The following KCND2 variants were observed in gnomAD, a reference collection of about 807,000 sequenced individuals.
KCND2 encodes the protein potassium voltage-gated channel subfamily D member 2, also known as A-type voltage-gated potassium channel KCND2.
Under a neutral mutation model 54.4 loss-of-function variants are expected in KCND2, and 16 were observed. The ratio of observed to expected loss-of-function variants is 0.29; its 90% CI spans 0.20 to 0.45. The LOEUF is 0.45. KCND2 is among the 20% of genes least tolerant of loss of function. The probability of loss-of-function intolerance (pLI) is 1.00; values close to 1 mark genes in which losing one functional copy is unlikely to be tolerated. For synonymous variants in KCND2, 317 were observed against 310.7 expected, an observed-to-expected ratio of 1.02 and a Z score of -0.21; for missense variants, 486 against 824.2, an observed-to-expected ratio of 0.59 and a Z score of 5.02.
chr7:120,612,090 C>T (rs1172635723), intron 1 of KCND2, among the ~76,000 whole-genome samples: 1 of 152,200 alleles, frequency 6.6e-6, no homozygotes, highest in African/African-American at 2.4e-5. Context: ...CAATAGCACT[C>T]TCTACCCAAG....
At chr7:120,515,406 T>C (rs1803181683) in intron 1 of KCND2, among the ~76,000 whole-genome samples, 1 of 152,072 alleles carries the variant, frequency 6.6e-6, no homozygotes, top group African/African-American at 2.4e-5. Flanking sequence ...TAATTTATAT[T>C]AGAAATTGTT....
At chr7:120,368,839 GAATTA>G (rs773654474) in intron 1 of KCND2, among the ~76,000 whole-genome samples, 4 of 152,174 alleles carry the variant, frequency 2.6e-5, no homozygotes, top group Non-Finnish European at 2.9e-5. Flanking sequence ...ATAAAGGACA[GAATTA>G]AATTAAATAT....
intron 1 of KCND2, among the ~76,000 whole-genome samples, chr7:120,715,407 A>G (rs1226216330): frequency 6.6e-6 from 1 of 152,084 alleles, no homozygotes; most frequent in Non-Finnish European, 1.5e-5. Flanking sequence ...CTTCATGTTA[A>G]TAACAACTTC....
At chr7:120,290,492 C>A (rs1292243276) in intron 1 of KCND2, among the ~76,000 whole-genome samples, 8 of 151,946 alleles carry the variant, frequency 5.3e-5, no homozygotes, top group Non-Finnish European at 1.0e-4. Flanking sequence ...CATCTCTATG[C>A]TATTGGCTCG....
chr7:120,732,898 C>G lies in KCND2; in HGVS notation c.1116-5C>G. 1 of 1,610,762 alleles carries G rather than the reference C, an allele frequency of 6.2e-7. No individual in the cohort carries two copies. The highest frequency in any genetic ancestry group is 1.1e-5 in the South Asian group (1 of 90,994). ...CAATATATATATATTTTTTCTTTAACTCAGGTATGGTGACATGGTGCCAAA... is the reference window on the plus strand; with the variant it reads ...CAATATATATATATTTTTTCTTTAAGTCAGGTATGGTGACATGGTGCCAAA... On this transcript the variant is annotated splice_region_variant and splice_polypyrimidine_tract_variant and intron_variant, in intron 1 of 5. Transcript: ENST00000331113.
intron 1 of KCND2, among the ~76,000 whole-genome samples, chr7:120,465,203 G>C (rs947119285): frequency 1.6e-4 from 25 of 152,152 alleles, no homozygotes; most frequent in African/African-American, 5.5e-4. Context: ...TGGTGGGAAA[G>C]TCCACTGCGC....
rs547897725 is a variant in KCND2, at chr7:120,274,866, A to C, written c.234A>C (p.Pro78=). The stretch of plus-strand genomic sequence containing the variant: ...CTGAGAGGGACTTTTTCTACCACCC[A>C]GAAACTCAGCAGTATTTCTTTGACC... The part of the protein sequence containing the change: ...GSSERDFFYH[P]ETQQYFFDRD... The change falls in exon 1 of 6, where the codon CCA becomes CCC. Residue 78 remains proline, a synonymous_variant. Coordinates refer to ENST00000331113, the MANE Select transcript of KCND2 (RefSeq NM_012281.3). 30 of 1,614,156 alleles carry C rather than the reference A, an allele frequency of 1.9e-5. No homozygotes were observed. In the Middle Eastern group the frequency reaches 4.9e-4, roughly 27 times the overall value.
rs147333814 is a variant in KCND2, at chr7:120,358,381, A to G, written c.1115+82634A>G. Among the ~76,000 whole-genome samples, 1,384 of 152,248 alleles carry G rather than the reference A, an allele frequency of 9.1e-3. 29 individuals carry two copies. Among genetic ancestry groups the G allele is most frequent in the African/African-American group, 0.031 (1,304 of 41,550 alleles). ...TTTTATTTTCAATGCATAAATCTGC[A>G]TTGGATTGATGTGAAACTAAAATGA... On this transcript the variant is annotated intron_variant, in intron 1 of 5. Transcript: ENST00000331113.
At chr7:120,338,616 A>T (rs1019246761) in intron 1 of KCND2, among the ~76,000 whole-genome samples, 7 of 152,112 alleles carry the variant, frequency 4.6e-5, no homozygotes, top group Non-Finnish European at 7.4e-5. Context: ...AATTTTTCTT[A>T]TAATGAGAAA....
At chr7:120,589,575 A>C (rs1792644672) in intron 1 of KCND2, among the ~76,000 whole-genome samples, 2 of 152,218 alleles carry the variant, frequency 1.3e-5, no homozygotes, top group Non-Finnish European at 2.9e-5. Flanking sequence ...AGCTGGCAGT[A>C]AAATAATTTT....
intron 1 of KCND2, among the ~76,000 whole-genome samples, chr7:120,582,933 T>C (rs969699411): frequency 6.8e-6 from 1 of 148,102 alleles, no homozygotes; most frequent in East Asian, 1.9e-4. Flanking sequence ...CTATCTGGTT[T>C]GCATTGCTCT....
At chr7:120,503,994 A>G (rs1334421467) in intron 1 of KCND2, among the ~76,000 whole-genome samples, 1 of 151,968 alleles carries the variant, frequency 6.6e-6, no homozygotes, top group African/African-American at 2.4e-5. Context: ...TCATAATTAG[A>G]TAGCTGCTTT....
intron 1 of KCND2, among the ~76,000 whole-genome samples, chr7:120,578,926 AC>A (rs1792475864): frequency 1.3e-5 from 2 of 151,928 alleles, no homozygotes; most frequent in Non-Finnish European, 2.9e-5. Context: ...TCACACACAC[AC>A]ACACACACAC....
intron 1 of KCND2, among the ~76,000 whole-genome samples, chr7:120,473,644 C>G (rs527444403): frequency 6.6e-6 from 1 of 152,222 alleles, no homozygotes; most frequent in East Asian, 1.9e-4. Context: ...TATAATTAAC[C>G]AGGCCTCCGT....
intron 1 of KCND2, among the ~76,000 whole-genome samples, chr7:120,352,447 T>C (rs1478382858): frequency 9.0e-6 from 1 of 111,318 alleles, no homozygotes; most frequent in Non-Finnish European, 1.8e-5. Flanking sequence ...CAAATATATA[T>C]ACACACATAC....
At chr7:120,746,482 C>T (rs1793008680) in intron 5 of KCND2, among the ~76,000 whole-genome samples, 1 of 151,964 alleles carries the variant, frequency 6.6e-6, no homozygotes, top group Admixed American at 6.6e-5. Flanking sequence ...AAAACTTTGC[C>T]TACATAAGTC....
chr7:120,502,224 G>A (rs1802946886), intron 1 of KCND2, among the ~76,000 whole-genome samples: 1 of 151,750 alleles, frequency 6.6e-6, no homozygotes, highest in East Asian at 1.9e-4. Flanking sequence ...CCCAAGCTGG[G>A]TCCTGCTAAA....
intron 1 of KCND2, among the ~76,000 whole-genome samples, chr7:120,317,799 G>A (rs1001194141): frequency 3.9e-5 from 6 of 152,208 alleles, no homozygotes; most frequent in Non-Finnish European, 4.4e-5. Context: ...CTATAAAGCC[G>A]TAAAACCCCA....
intron 1 of KCND2, among the ~76,000 whole-genome samples, chr7:120,342,801 TAAAC>T (rs1478149857): frequency 6.6e-6 from 1 of 152,156 alleles, no homozygotes; most frequent in African/African-American, 2.4e-5. Context: ...CATTTTCTAT[TAAAC>T]AAATACTCAT....
Sources: allele counts gnomAD v4.1 joint callset (sites outside exome capture counted in the v4.1 genomes callset), GRCh38; gene constraint gnomAD v4.1.1; transcripts MANE v1.5; gene names NCBI Gene and HGNC (gene_info 2026-07-23, HGNC 2026-07-21).